The following DGKB variants were observed in gnomAD, a reference collection of about 807,000 sequenced individuals.
DGKB encodes the protein 90 kDa diacylglycerol kinase.
In DGKB, 67 loss-of-function variants were observed where a neutral mutation model predicts 114.3. That is an observed-to-expected ratio of 0.59 (90% CI 0.48 to 0.72). The LOEUF (loss-of-function observed/expected upper bound fraction) is 0.72, where lower values mean the gene tolerates loss of function less well. Ranked by LOEUF, DGKB falls within the 30% of genes least tolerant of loss-of-function variation. The pLI is 0.00. For missense variants in DGKB, 907 were observed against 975.2 expected (o/e 0.93, Z 0.93); for synonymous variants, 398 against 323.1 (o/e 1.23, Z -2.49).
intron 13 of DGKB, among the ~76,000 whole-genome samples, chr7:14,635,508 G>A (rs1810572607): frequency 6.6e-6 from 1 of 151,320 alleles, no homozygotes; most frequent in South Asian, 2.1e-4. Context: ...TCCAAAGACT[G>A]AGCAAAGAAA....
At chr7:14,203,393 C>G (rs968778351) in intron 23 of DGKB, among the ~76,000 whole-genome samples, 4 of 152,032 alleles carry the variant, frequency 2.6e-5, no homozygotes, top group African/African-American at 9.6e-5. Flanking sequence ...TTCTTATACT[C>G]TTCTATTCTG....
intron 21 of DGKB, among the ~76,000 whole-genome samples, chr7:14,357,784 C>T (rs910433934): frequency 3.9e-5 from 6 of 152,150 alleles, no homozygotes; most frequent in African/African-American, 1.4e-4. Flanking sequence ...TCTTGTAAGG[C>T]AGGCTTGGTG....
chr7:14,804,853 A>G (rs1842603957), intron 2 of DGKB, among the ~76,000 whole-genome samples: 1 of 151,864 alleles, frequency 6.6e-6, no homozygotes, highest in Admixed American at 6.6e-5. Context: ...TCTCTTTTCA[A>G]GTACACCTGT....
intron 1 of DGKB, among the ~76,000 whole-genome samples, chr7:14,870,522 G>C (rs953086465): frequency 6.6e-6 from 1 of 152,114 alleles, no homozygotes; most frequent in Non-Finnish European, 1.5e-5. Context: ...AATTGGCCAG[G>C]TGTGATGGCT....
chr7:14,396,996 T>G (rs1822312643), intron 21 of DGKB, among the ~76,000 whole-genome samples: 1 of 152,032 alleles, frequency 6.6e-6, no homozygotes, highest in Admixed American at 6.6e-5. Flanking sequence ...ATGGAAATAT[T>G]GAAGAGATTA....
intron 21 of DGKB, among the ~76,000 whole-genome samples, chr7:14,448,951 G>A (rs1831090633): frequency 6.6e-6 from 1 of 152,076 alleles, no homozygotes; most frequent in Non-Finnish European, 1.5e-5. Context: ...TCAGCAGTAT[G>A]AGCATGAGAT....
rs1409677287 is a variant in DGKB at position 14,149,249 on chromosome 7, AGAG to A, written c.2305-14_2305-12del. On this transcript the variant is annotated splice_polypyrimidine_tract_variant and intron_variant, in intron 25 of 25. Transcript: ENST00000402815. ...GTGTGTAATTTTTATCTAGAAAAAA[AGAG>A]AGAGAGAGAGAGAGAAAGAATAGAG... is the stretch of plus-strand genomic sequence containing the variant. 15 of 1,148,144 alleles carry A rather than the reference AGAG, an allele frequency of 1.3e-5. No individual in the cohort carries two copies. Among genetic ancestry groups the A allele is most frequent in the Admixed American group, 2.2e-5 (1 of 44,774 alleles). The allele number at this position is 1,148,144 out of a possible 1,614,324, so 71.1% of individuals were successfully genotyped here.
intron 1 of DGKB, among the ~76,000 whole-genome samples, chr7:14,914,058 G>A (rs1171387250): frequency 2.0e-5 from 3 of 152,124 alleles, no homozygotes; most frequent in Admixed American, 1.3e-4. Context: ...TTTAGGGAGA[G>A]GAAGGGAAAA....
At chr7:14,543,733 A>C (rs1158208703) in intron 20 of DGKB, among the ~76,000 whole-genome samples, 1 of 152,204 alleles carries the variant, frequency 6.6e-6, no homozygotes, top group East Asian at 1.9e-4. Flanking sequence ...TAATAGCCAG[A>C]AATTTTGTTA....
intron 2 of DGKB, among the ~76,000 whole-genome samples, chr7:14,836,565 G>A (rs537824787): frequency 8.7e-4 from 132 of 152,286 alleles, no homozygotes; most frequent in African/African-American, 3.1e-3. Context: ...AGAAAGCACC[G>A]ACAGACCAAT....
intron 21 of DGKB, among the ~76,000 whole-genome samples, chr7:14,363,429 T>A (rs1816096596): frequency 6.6e-6 from 1 of 152,056 alleles, no homozygotes; most frequent in Admixed American, 6.6e-5. Context: ...GAAAGAAAAG[T>A]AAAAATATTT....
At chr7:14,901,078 T>C (rs1205708945) in intron 1 of DGKB, among the ~76,000 whole-genome samples, 2 of 152,206 alleles carry the variant, frequency 1.3e-5, no homozygotes, top group Non-Finnish European at 2.9e-5. Context: ...CAAGGTCACA[T>C]GTAGACTTTA....
At chr7:14,399,868 T>A (rs1165395532) in intron 21 of DGKB, among the ~76,000 whole-genome samples, 4 of 151,864 alleles carry the variant, frequency 2.6e-5, no homozygotes, top group Non-Finnish European at 2.9e-5. Flanking sequence ...AAGTTTTTTT[T>A]AAACAGTCTT....
In DGKB at chr7:14,910,270, GAAAGA is replaced by G. The variant is rs1783924856; in HGVS notation, c.-188+64421_-188+64425del. Among the ~76,000 whole-genome samples, 4 of 103,780 alleles carry G rather than the reference GAAAGA, an allele frequency of 3.9e-5. No homozygotes were observed. The South Asian group carries it at 1.0e-3, about 27-fold the overall frequency. 68.1% of individuals were successfully genotyped at this position (103,780 alleles called of 152,430 possible). A position where few individuals can be genotyped will look rare whatever the true frequency, so the allele number is the denominator to read the frequency against. Reference sequence around the variant, plus strand: ...AGAAAGAAAGAAAGAAAGAAAGAAAGAAAGAAAGAAAGAAAGAAAGAAAGAAAGAA... The same window carrying G: ...AGAAAGAAAGAAAGAAAGAAAGAAAGAAGAAAGAAAGAAAGAAAGAAAGAA... On this transcript the variant is annotated intron_variant, in intron 1 of 4. Transcript: ENST00000437998.
intron 23 of DGKB, among the ~76,000 whole-genome samples, chr7:14,243,364 CAGTG>C (rs1319723051): frequency 2.0e-5 from 3 of 152,088 alleles, no homozygotes; most frequent in Admixed American, 6.5e-5. Flanking sequence ...AGGCCAAAGA[CAGTG>C]AGTAAGTGAT....
intron 23 of DGKB, among the ~76,000 whole-genome samples, chr7:14,270,614 G>A (rs1562796624): frequency 6.6e-6 from 1 of 152,186 alleles, no homozygotes; most frequent in Non-Finnish European, 1.5e-5. Flanking sequence ...AAATAAATAG[G>A]TGCATAAGTT....
At chr7:14,756,787 C>G (rs1236114652) in intron 3 of DGKB, among the ~76,000 whole-genome samples, 4 of 151,520 alleles carry the variant, frequency 2.6e-5, no homozygotes, top group Admixed American at 2.6e-4. Context: ...ACATTTTAGT[C>G]AGCAAACAAA....
At chr7:14,905,526 A>G (rs1031767045), upstream of DGKB, among the ~76,000 whole-genome samples, 1 of 152,118 alleles carries the variant, frequency 6.6e-6, no homozygotes, top group Admixed American at 6.5e-5. Context: ...TCATTCATCA[A>G]TCTAAAAAAT....
At chr7:14,937,025 TAC>T (rs56176139) in intron 1 of DGKB, among the ~76,000 whole-genome samples, 38,132 of 131,850 alleles carry the variant, frequency 0.29, 5,779 homozygotes, top group East Asian at 0.38. Context: ...GTCCATTCAC[TAC>T]ACACACACAC....
Sources: gnomAD v4.1 joint callset for allele counts (sites outside exome capture counted in the v4.1 genomes callset) on GRCh38, gnomAD v4.1.1 for gene constraint, MANE v1.5 for transcripts, NCBI Gene and HGNC (gene_info 2026-07-23, HGNC 2026-07-21) for gene names.